Variants in NCAPH2 observed in about 807,000 individuals in gnomAD.
NCAPH2 encodes the protein condensin-2 complex subunit H2.
NCAPH2 carries 56 observed loss-of-function variants against 88.6 expected under a neutral mutation model. That is an observed-to-expected ratio of 0.63 (90% CI 0.51 to 0.79). The LOEUF (loss-of-function observed/expected upper bound fraction) is 0.79, where lower values mean the gene tolerates loss of function less well. Ranked by LOEUF, NCAPH2 falls within the 30% of genes least tolerant of loss-of-function variation. The pLI is 0.00. For synonymous variants in NCAPH2, 378 were observed against 313.6 expected (o/e 1.21, Z -2.17); for missense variants, 794 against 792.0 (o/e 1.00, Z -0.03).
intron 1 of NCAPH2, among the ~76,000 whole-genome samples, chr22:50,509,220 A>G (rs1392895867): frequency 1.3e-5 from 2 of 151,956 alleles, no homozygotes; most frequent in East Asian, 1.9e-4. Flanking sequence ...AGTGTCATTT[A>G]TTTCTATGAT....
At position 50,522,499 on chromosome 22, in the gene NCAPH2, A is replaced by G; in HGVS notation, c.1307-2A>G. On this transcript the variant is annotated splice_acceptor_variant, in intron 15 of 19. Coordinates refer to ENST00000420993, the MANE Select transcript of NCAPH2 (RefSeq NM_152299.4). LOFTEE classifies it high-confidence loss of function. ...GCTGTTCACTCTCCCACCTCCCAGC[A>G]GATGACTTTCTAGAGCCTGAGGAGT... The G allele has an allele frequency of 2.5e-6, 4 of 1,613,804 alleles. No homozygotes were observed. The highest frequency in any genetic ancestry group is 3.4e-6 in the Non-Finnish European group (4 of 1,179,990).
intron 9 of NCAPH2, among the ~76,000 whole-genome samples, chr22:50,519,926 A>G (rs898614278): frequency 5.3e-5 from 8 of 152,128 alleles, no homozygotes; most frequent in African/African-American, 1.9e-4. Flanking sequence ...GCTGGAGTGC[A>G]GTGGTGCGAT....
In NCAPH2 at chr22:50,517,566, T is replaced by A; in HGVS notation, c.267-11T>A. ...CTCCTGGGATGCCCACGGGATGTGC[T>A]TCTCTCTCAGGCGGGCCAAGCAGCT... On this transcript the variant is annotated splice_polypyrimidine_tract_variant and intron_variant, in intron 3 of 19. Transcript: ENST00000420993. 6.2e-7 allele frequency: 1 copy of A among 1,614,036 alleles called. No individual in the cohort carries two copies. The highest frequency in any genetic ancestry group is 8.5e-7 in the Non-Finnish European group (1 of 1,179,998).
intron 1 of NCAPH2, among the ~76,000 whole-genome samples, chr22:50,513,273 C>G (rs574650391): frequency 5.3e-5 from 8 of 152,198 alleles, no homozygotes; most frequent in Non-Finnish European, 1.0e-4. Context: ...GATCCCAGCA[C>G]TTTGGGGGGC....
chr22:50,518,513 C>T lies in NCAPH2; in HGVS notation c.647-136C>T. On this transcript the variant is annotated intron_variant, in intron 7 of 19. Transcript: ENST00000420993. ...GGTGCCTGGCTCAGGGCCCTGCTGT[C>T]TCCCCCCAGCCCAAGGCCTGGAGTC... is the stretch of plus-strand genomic sequence containing the variant. 6 of 1,061,274 alleles carry T rather than the reference C, an allele frequency of 5.7e-6. No individual in the cohort carries two copies. The East Asian group carries it at 1.6e-4, about 28-fold the overall frequency. 65.7% of individuals were successfully genotyped at this position (1,061,274 alleles called of 1,614,324 possible). A position where few individuals can be genotyped will look rare whatever the true frequency, so the allele number is the denominator to read the frequency against.
In NCAPH2 at chr22:50,517,814, G is replaced by T. The variant is rs1311702334; in HGVS notation, c.420+5G>T. 6.2e-7 allele frequency: 1 copy of T among 1,613,758 alleles called. No homozygotes were observed. The highest frequency in any genetic ancestry group is 1.7e-5 in the Admixed American group (1 of 60,000). Reference sequence around the variant, plus strand: ...AAGAATGATCAGACGCCCAGTGTGAGTCCTGGCCTGGCCCCTCTTAGGCTG... The same window carrying T: ...AAGAATGATCAGACGCCCAGTGTGATTCCTGGCCTGGCCCCTCTTAGGCTG... On this transcript the variant is annotated splice_donor_5th_base_variant and intron_variant, in intron 5 of 19. Transcript: ENST00000420993.
chr22:50,523,654 C>T lies in NCAPH2; in HGVS notation c.*279C>T, dbSNP rs928259383. The T allele has an allele frequency of 6.2e-7, 1 of 1,613,922 alleles. No individual in the cohort carries two copies. On this transcript the variant is annotated 3_prime_UTR_variant, in exon 20 of 20. Transcript: ENST00000420993. Reference sequence around the variant, plus strand: ...GAAAGCCGCCATGTGCCGCCGCACACTGTCTGAGATCTGCTCAGCCGATCT... The same window carrying T: ...GAAAGCCGCCATGTGCCGCCGCACATTGTCTGAGATCTGCTCAGCCGATCT...
chr22:50,515,201 G>A (rs2068882164), intron 1 of NCAPH2, among the ~76,000 whole-genome samples: 1 of 152,190 alleles, frequency 6.6e-6, no homozygotes, highest in African/African-American at 2.4e-5. Context: ...GGACAGCTGG[G>A]GGTCGGTGTT....
In NCAPH2 at chr22:50,523,899, C is replaced by T. The variant is rs767454409; in HGVS notation, c.*524C>T. The T allele has an allele frequency of 1.9e-6, 3 of 1,613,702 alleles. 1 individual carries two copies. Among genetic ancestry groups the T allele is most frequent in the South Asian group, 2.2e-5 (2 of 91,086 alleles). Reference sequence around the variant, plus strand: ...AGCGGGCCATGGCTTCAACGTCGTCCCGCTCGGGGTCCACAGTGATGAAGA... The same window carrying T: ...AGCGGGCCATGGCTTCAACGTCGTCTCGCTCGGGGTCCACAGTGATGAAGA... On this transcript the variant is annotated 3_prime_UTR_variant, in exon 20 of 20. Transcript: ENST00000420993.
At chr22:50,518,452 G>C (rs961567818) in intron 7 of NCAPH2, among the ~76,000 whole-genome samples, 174 bp downstream of exon 7, 1 of 152,176 alleles carries the variant, frequency 6.6e-6, no homozygotes, top group African/African-American at 2.4e-5. Flanking sequence ...GCTGTGCCTT[G>C]ATTACAAGTT....
intron 1 of NCAPH2, among the ~76,000 whole-genome samples, chr22:50,511,107 A>G (rs1487772284): frequency 6.6e-6 from 1 of 151,350 alleles, no homozygotes; most frequent in Non-Finnish European, 1.5e-5. Flanking sequence ...CGGTGTCCCA[A>G]AGTGCTGGGA....
chr22:50,521,617 G>A lies in NCAPH2; in HGVS notation c.1000+8G>A. Reference sequence around the variant, plus strand: ...CTAAGCCCTTCAAGAAAGGTAATTGGGTGGAAGGTACCTCCACTCAGGTAC... The same window carrying A: ...CTAAGCCCTTCAAGAAAGGTAATTGAGTGGAAGGTACCTCCACTCAGGTAC... On this transcript the variant is annotated splice_region_variant and intron_variant, in intron 11 of 19. Coordinates refer to ENST00000420993, the MANE Select transcript of NCAPH2 (RefSeq NM_152299.4). 1.2e-6 allele frequency: 2 copies of A among 1,613,508 alleles called. No homozygotes were observed. Among genetic ancestry groups the A allele is most frequent in the Non-Finnish European group, 1.7e-6 (2 of 1,179,840 alleles).
At position 50,521,499 on chromosome 22, in the gene NCAPH2, T is replaced by C. The variant is rs762858300; in HGVS notation, c.934-44T>C. 6.2e-6 allele frequency: 10 copies of C among 1,602,736 alleles called. No homozygotes were observed. In the South Asian group the frequency reaches 8.8e-5, roughly 14 times the overall value. ...CCTACTCCTTTGGGAGGGACGGCTG[T>C]GCACCCCCTACTTCTCCAGCGCCTT... is the stretch of plus-strand genomic sequence containing the variant. On this transcript the variant is annotated intron_variant, in intron 10 of 19. Coordinates refer to ENST00000420993, the MANE Select transcript of NCAPH2 (RefSeq NM_152299.4).
Position 50,515,767 on chromosome 22 carries a change from G to A in NCAPH2, c.109-680G>A, listed in dbSNP as rs138636866. Reference sequence around the variant, plus strand: ...CAGGAGATGAGCCAGCGTTGGGGAAGATGTTGGGTAAAGTATGGAAGTAAA... The same window carrying A: ...CAGGAGATGAGCCAGCGTTGGGGAAAATGTTGGGTAAAGTATGGAAGTAAA... On this transcript the variant is annotated intron_variant, in intron 1 of 19. Transcript: ENST00000420993. The A allele has an allele frequency of 2.8e-4, 371 of 1,302,164 alleles. No homozygotes were observed. The East Asian group carries it at 0.011, about 38-fold the overall frequency. The allele number at this position is 1,302,164 out of a possible 1,614,324, so 80.7% of individuals were successfully genotyped here.
chr22:50,523,261 C>G lies in NCAPH2; in HGVS notation c.1704C>G (p.Thr568=). Residue 568 remains threonine, a synonymous_variant, in exon 20 of 20, where the codon ACC becomes ACG. Coordinates refer to ENST00000420993, the MANE Select transcript of NCAPH2 (RefSeq NM_152299.4). ...CCAATGACTACACAGTGGAGATAAC[C>G]CAGCAGCCCGGGCTGGAGATGGCCG... ...QLANDYTVEI[T]QQPGLEMAVD... 1 of 1,612,032 alleles carries G rather than the reference C, an allele frequency of 6.2e-7. No individual in the cohort carries two copies. The highest frequency in any genetic ancestry group is 2.2e-5 in the East Asian group (1 of 44,786).
Position 50,522,136 on chromosome 22 carries a change from G to A in NCAPH2, c.1163-45G>A, listed in dbSNP as rs762046553. On this transcript the variant is annotated intron_variant, in intron 13 of 19. Coordinates refer to ENST00000420993, the MANE Select transcript of NCAPH2 (RefSeq NM_152299.4). The stretch of plus-strand genomic sequence containing the variant: ...CAAAGCCTTGGGTGGACTGGCACGG[G>A]GCCTGGGAAGGACGAGGGAGCCCTC... 3.1e-6 allele frequency: 5 copies of A among 1,611,528 alleles called. No individual in the cohort carries two copies. In the South Asian group the frequency reaches 4.4e-5, roughly 14 times the overall value.
At position 50,524,736 on chromosome 22, in the gene NCAPH2, A is replaced by G. The variant is rs569665103; in HGVS notation, c.*1361A>G. On this transcript the variant is annotated 3_prime_UTR_variant, in exon 20 of 20. Coordinates refer to ENST00000420993, the MANE Select transcript of NCAPH2 (RefSeq NM_152299.4). ...CATTCCAAGTGCATGCCTTGCCTGA[A>G]CTAACCACGTTATCTATTTGCAATA... 3.5e-6 allele frequency: 2 copies of G among 563,434 alleles called. No individual in the cohort carries two copies. The highest frequency in any genetic ancestry group is 2.8e-4 in the Middle Eastern group (1 of 3,636). 34.9% of individuals were successfully genotyped at this position (563,434 alleles called of 1,614,324 possible).
rs913724946 is a variant in NCAPH2, at chr22:50,518,114, C to A, written c.501-19C>A. ...GCCTGGGAAGGGTCTCTACAGCAGG[C>A]GTGTTTTTGCCAGCACAGCCGTCAG... On this transcript the variant is annotated intron_variant, in intron 6 of 19. Transcript: ENST00000420993. 3 of 1,613,708 alleles carry A rather than the reference C, an allele frequency of 1.9e-6. No individual in the cohort carries two copies. Among genetic ancestry groups the A allele is most frequent in the Admixed American group, 1.7e-5 (1 of 59,998 alleles).
At chr22:50,513,556 C>T (rs952504582) in intron 1 of NCAPH2, among the ~76,000 whole-genome samples, 1 of 152,172 alleles carries the variant, frequency 6.6e-6, no homozygotes, top group Non-Finnish European at 1.5e-5. Flanking sequence ...GTCAGGAGTT[C>T]GAGATGAGTC....
Sources: allele counts gnomAD v4.1 joint callset (sites outside exome capture counted in the v4.1 genomes callset), GRCh38; gene constraint gnomAD v4.1.1; transcripts MANE v1.5; gene names NCBI Gene and HGNC (gene_info 2026-07-23, HGNC 2026-07-21).